Variants in USP16 observed in about 807,000 individuals in gnomAD.
The protein encoded by USP16 is ubiquitin specific peptidase 16.
In USP16, 77 loss-of-function variants were observed where a neutral mutation model predicts 95.9. The ratio of observed to expected loss-of-function variants is 0.80; its 90% CI spans 0.67 to 0.97. The LOEUF is 0.97. Among genes scored for constraint, USP16 ranks in the 50% least tolerant of loss-of-function variants. The pLI, the probability that USP16 is intolerant of heterozygous loss-of-function variation, is 0.00. For missense variants in USP16, 943 were observed against 959.9 expected (o/e 0.98, Z 0.23); for synonymous variants, 303 against 318.2 (o/e 0.95, Z 0.51).
intron 10 of USP16, among the ~76,000 whole-genome samples, chr21:29,041,443 C>T (rs1278971799): frequency 6.6e-6 from 1 of 152,118 alleles, no homozygotes; most frequent in Admixed American, 6.5e-5. Context: ...TTATATTAAA[C>T]TTATCAAGAT....
rs1180399144 is a variant in USP16, at chr21:29,046,904, A to C, written c.1594A>C (p.Thr532Pro). ...AAGTGTAACTGACAATCAAAAATCC[A>C]CAGAGGAAGTAGATATGAAAAATAT... Reference protein sequence around the residue: ...IESVTDNQKSTEEVDMKNINM... With the variant: ...IESVTDNQKSPEEVDMKNINM... The change falls in exon 14 of 18, where the codon ACA (threonine) becomes CCA (proline). Residue 532 changes from threonine to proline, a missense_variant. Coordinates refer to ENST00000399976, the MANE Select transcript of USP16 (RefSeq NM_006447.3). The C allele has an allele frequency of 3.7e-6, 6 of 1,614,092 alleles. No homozygotes were observed. Among genetic ancestry groups the C allele is most frequent in the African/African-American group, 2.7e-5 (2 of 74,952 alleles).
At chr21:29,025,782 A>G (rs1291549993) in intron 1 of USP16, 13 of 960,074 alleles carry the variant, frequency 1.4e-5, no homozygotes, top group Middle Eastern at 5.4e-4. Flanking sequence ...GTACTATTCT[A>G]TTTTTCTATT....
intron 8 of USP16, 27 bp from the exon 9 acceptor site, chr21:29,039,454 C>A: frequency 1.2e-6 from 2 of 1,605,230 alleles, no homozygotes; most frequent in South Asian, 1.1e-5. Context: ...CTGAAGATTG[C>A]TTTTCTGTCT....
chr21:29,043,557 C>A lies in USP16; in HGVS notation c.1314C>A (p.His438Gln). ...RSDIPSGTSKHLQKKAKKQAK... is the reference protein window; with the variant it reads ...RSDIPSGTSKQLQKKAKKQAK... ...ATATTCCTTCTGGAACAAGTAAGCA[C>A]TTACAGAAAAAAGCAAAGAAACAAG... The change falls in exon 13 of 18, where the codon CAC becomes CAA. Residue 438 changes from histidine (H) to glutamine (Q), a missense_variant. His to Gln is a conservative substitution (Grantham distance 24). Coordinates refer to ENST00000399976, the MANE Select transcript of USP16 (RefSeq NM_006447.3). 1 of 1,570,988 alleles carries A rather than the reference C, an allele frequency of 6.4e-7. No individual in the cohort carries two copies. Among genetic ancestry groups the A allele is most frequent in the Non-Finnish European group, 8.6e-7 (1 of 1,164,776 alleles).
Position 29,047,334 on chromosome 21 carries a change from T to C in USP16, c.2011+13T>C. On this transcript the variant is annotated intron_variant, in intron 14 of 17. Transcript: ENST00000399976. The stretch of plus-strand genomic sequence containing the variant: ...GCAAATATAAAAGGTATTTTAATGC[T>C]CTCACTGTAAGTAAAATTAATATTC... The C allele has an allele frequency of 6.3e-7, 1 of 1,588,896 alleles. No homozygotes were observed. The highest frequency in any genetic ancestry group is 8.6e-7 in the Non-Finnish European group (1 of 1,168,528).
intron 13 of USP16, among the ~76,000 whole-genome samples, chr21:29,044,910 T>C (rs2085300984): frequency 1.3e-5 from 2 of 152,224 alleles, no homozygotes; most frequent in Non-Finnish European, 2.9e-5. Context: ...ATAAGTCATC[T>C]GTAGGGTAAA....
In USP16 at chr21:29,050,124, C is replaced by G. The variant is rs2085392088; in HGVS notation, c.2139C>G (p.His713Gln). The change falls in exon 16 of 18, where the codon CAC becomes CAG. Residue 713 changes from histidine to glutamine, a missense_variant. Physicochemically the swap from His to Gln is conservative, Grantham distance 24. Transcript: ENST00000399976. ...AGFNLRKVNK[H>Q]IKFPEILDLA... ...TTAACCTACGCAAAGTTAACAAACACATAAAGTTTCCGGAAATCTTAGATT... is the reference window on the plus strand; with the variant it reads ...TTAACCTACGCAAAGTTAACAAACAGATAAAGTTTCCGGAAATCTTAGATT... The G allele has an allele frequency of 6.2e-7, 1 of 1,613,604 alleles. No individual in the cohort carries two copies.
chr21:29,048,157 A>G (rs1194478341), intron 14 of USP16, among the ~76,000 whole-genome samples: 4 of 148,756 alleles, frequency 2.7e-5, no homozygotes. Context: ...ATTTCAGCTC[A>G]CTGCAATCTC....
intron 3 of USP16, among the ~76,000 whole-genome samples, chr21:29,032,961 AT>A (rs1338013072): frequency 3.9e-5 from 6 of 152,038 alleles, no homozygotes; most frequent in Admixed American, 1.3e-4. Flanking sequence ...ACAGTTTTTT[AT>A]TTTAGCCATC....
intron 15 of USP16, among the ~76,000 whole-genome samples, chr21:29,049,881 G>C (rs2085387642): frequency 6.6e-6 from 1 of 152,132 alleles, no homozygotes; most frequent in Admixed American, 6.5e-5. Context: ...TTCTTAATGT[G>C]TTGGTGTGTG....
At chr21:29,038,574 A>C (rs992589942) in intron 7 of USP16, 144 bp downstream of exon 7, 1 of 666,012 alleles carries the variant, frequency 1.5e-6, no homozygotes, top group African/African-American at 1.8e-5. Context: ...GTTTCAGGCT[A>C]ATAGAAGTTA....
chr21:29,036,266 C>T lies in USP16; in HGVS notation c.345-5C>T. ...CATTTTTCATCTCTGATTTTTGGGT[C>T]ACAGGTGTTACGTATGTGATAATGA... On this transcript the variant is annotated splice_region_variant and splice_polypyrimidine_tract_variant and intron_variant, in intron 4 of 17. Coordinates refer to ENST00000399976, the MANE Select transcript of USP16 (RefSeq NM_006447.3). 6.3e-7 allele frequency: 1 copy of T among 1,594,392 alleles called. No homozygotes were observed. Among genetic ancestry groups the T allele is most frequent in the Non-Finnish European group, 8.6e-7 (1 of 1,168,570 alleles).
intron 10 of USP16, among the ~76,000 whole-genome samples, chr21:29,041,763 T>C (rs1303116397): frequency 1.3e-5 from 2 of 152,176 alleles, no homozygotes; most frequent in Admixed American, 6.5e-5. Flanking sequence ...ACTGACTAGA[T>C]CTTGGATAAG....
At chr21:29,028,018 G>T in intron 2 of USP16, 44 bp downstream of exon 2, 2 of 1,430,762 alleles carry the variant, frequency 1.4e-6, no homozygotes, top group South Asian at 1.2e-5. Flanking sequence ...ATCTCTAAAT[G>T]AATATGTTTT....
At chr21:29,050,700 G>A (rs897902269) in intron 16 of USP16, among the ~76,000 whole-genome samples, 6 of 152,216 alleles carry the variant, frequency 3.9e-5, no homozygotes, top group Non-Finnish European at 7.3e-5. Context: ...AACGTATGTA[G>A]TTCTAGAGTT....
chr21:29,027,229 C>T (rs2146355802), intron 1 of USP16, among the ~76,000 whole-genome samples: 1 of 152,282 alleles, frequency 6.6e-6, no homozygotes, highest in Non-Finnish European at 1.5e-5. Flanking sequence ...GTCAAATAGC[C>T]TTCCAAAGTG....
chr21:29,037,238 G>A (rs2085171701), intron 5 of USP16, 38 bp from the exon 6 acceptor site: 1 of 1,323,028 alleles, frequency 7.6e-7, no homozygotes, highest in African/African-American at 1.5e-5. Flanking sequence ...CGATATGACT[G>A]TATTACACAT....
intron 10 of USP16, 72 bp from the exon 11 acceptor site, chr21:29,041,941 A>T (rs1053808397): frequency 1.4e-5 from 17 of 1,242,450 alleles, no homozygotes; most frequent in Non-Finnish European, 2.0e-5. Context: ...ATAGGTAAGT[A>T]GTTTTAGCTT....
intron 1 of USP16, among the ~76,000 whole-genome samples, chr21:29,026,842 T>A (rs969775641): frequency 6.6e-6 from 1 of 152,202 alleles, no homozygotes; most frequent in Non-Finnish European, 1.5e-5. Flanking sequence ...TATATAGTTA[T>A]AACTTTAGTG....
Sources: allele counts gnomAD v4.1 joint callset (sites outside exome capture counted in the v4.1 genomes callset), GRCh38; gene constraint gnomAD v4.1.1; transcripts MANE v1.5; gene names NCBI Gene and HGNC (gene_info 2026-07-23, HGNC 2026-07-21).